TRPM6: variants seen among roughly 807,000 people sequenced by gnomAD.
The protein encoded by TRPM6 is channel kinase 2.
A neutral mutation model predicts 247.6 loss-of-function variants in TRPM6; 111 were observed. That is an observed-to-expected ratio of 0.45 (90% CI 0.38 to 0.52). The LOEUF is 0.52. TRPM6 is among the 20% of genes least tolerant of loss of function. The pLI is 0.00. For synonymous variants in TRPM6, 892 were observed against 853.8 expected (o/e 1.04, Z -0.78); for missense variants, 2,126 against 2,421.5 (o/e 0.88, Z 2.56).
intron 9 of TRPM6, among the ~76,000 whole-genome samples, chr9:74,818,395 C>T (rs1049040127): frequency 2.7e-5 from 4 of 149,096 alleles, no homozygotes; most frequent in African/African-American, 5.0e-5. Context: ...CTCTGCCTCC[C>T]GGGTTCAAGC....
chr9:74,785,672 A>G (rs543659072), intron 21 of TRPM6, among the ~76,000 whole-genome samples: 38 of 152,136 alleles, frequency 2.5e-4, no homozygotes, highest in South Asian at 1.0e-3. Flanking sequence ...ACAGGTGCCC[A>G]CCACCATGCC....
intron 1 of TRPM6, among the ~76,000 whole-genome samples, chr9:74,863,232 A>T (rs1305282372): frequency 6.6e-6 from 1 of 151,720 alleles, no homozygotes; most frequent in Admixed American, 6.6e-5. Context: ...TTTTTAGTAG[A>T]GATGGGGTTT....
chr9:74,847,824 A>G (rs887983664), intron 3 of TRPM6, among the ~76,000 whole-genome samples: 12 of 152,224 alleles, frequency 7.9e-5, no homozygotes, highest in Admixed American at 5.2e-4. Flanking sequence ...TGAAAAATAG[A>G]TAAATAATGA....
chr9:74,746,878 A>G (rs1457064864), intron 31 of TRPM6, among the ~76,000 whole-genome samples: 1 of 152,100 alleles, frequency 6.6e-6, no homozygotes, highest in Non-Finnish European at 1.5e-5. Context: ...CAAGGTTAAT[A>G]GCTAAGAGCA....
chr9:74,885,814 C>A (rs901807160), intron 1 of TRPM6, among the ~76,000 whole-genome samples: 1 of 152,122 alleles, frequency 6.6e-6, no homozygotes, highest in African/African-American at 2.4e-5. Context: ...TGGCTCAGGC[C>A]TGTAATCTTG....
At chr9:74,734,686 T>A (rs1218758988) in intron 36 of TRPM6, among the ~76,000 whole-genome samples, 1 of 152,206 alleles carries the variant, frequency 6.6e-6, no homozygotes. Context: ...TATCAAGAAC[T>A]TCTTGTGAAG....
chr9:74,789,960 C>CAAAAAAAAAAAA (rs71368680), intron 19 of TRPM6, among the ~76,000 whole-genome samples: 2 of 65,142 alleles, frequency 3.1e-5, no homozygotes, highest in African/African-American at 1.3e-4. Context: ...GACTCCATCT[C>CAAAAAAAAAAAA]AAAAAAAAAA....
intron 12 of TRPM6, 137 bp downstream of exon 12, chr9:74,812,162 C>T (rs1314539999): frequency 2.7e-6 from 3 of 1,119,516 alleles, no homozygotes; most frequent in Admixed American, 3.9e-5. Flanking sequence ...GGAACTAGAT[C>T]CAGCTTCAGA....
At chr9:74,885,528 A>G (rs998215005) in intron 1 of TRPM6, among the ~76,000 whole-genome samples, 1 of 152,244 alleles carries the variant, frequency 6.6e-6, no homozygotes, top group Non-Finnish European at 1.5e-5. Flanking sequence ...GAACAATGAG[A>G]ACGTAAAACT....
intron 25 of TRPM6, among the ~76,000 whole-genome samples, chr9:74,770,126 C>T (rs1272609573): frequency 6.6e-6 from 1 of 152,148 alleles, no homozygotes; most frequent in South Asian, 2.1e-4. Flanking sequence ...GGCACAGAAA[C>T]ACAGATTTAT....
At chr9:74,798,197 G>A (rs1283645450) in intron 17 of TRPM6, among the ~76,000 whole-genome samples, 1 of 151,686 alleles carries the variant, frequency 6.6e-6, no homozygotes, top group East Asian at 1.9e-4. Context: ...TGAAAAAGAA[G>A]ATTTAAATTG....
intron 28 of TRPM6, 84 bp downstream of exon 28, chr9:74,755,269 G>A (rs1013770004): frequency 2.8e-6 from 4 of 1,406,432 alleles, no homozygotes; most frequent in Non-Finnish European, 4.0e-6. Flanking sequence ...GAAAGAACAG[G>A]AGGAACCGCC....
In TRPM6 at chr9:74,842,206, G is replaced by A. The variant is rs570794624; in HGVS notation, c.290C>T (p.Thr97Met). The stretch of plus-strand genomic sequence containing the variant: ...GTGCTCTCCATCTTGGAAATTAATC[G>A]TGCCAAAAGTATCTGTTGGGCTTTT... ...TTKSPTDTFG[T>M]INFQDGEHTH... The change falls in exon 4 of 39, where the codon ACG becomes ATG. Residue 97 changes from threonine (T) to methionine (M), a missense_variant. Coordinates refer to ENST00000360774, the MANE Select transcript of TRPM6 (RefSeq NM_017662.5). 26 of 1,613,262 alleles carry A rather than the reference G, an allele frequency of 1.6e-5. No individual in the cohort carries two copies. The highest frequency in any genetic ancestry group is 3.3e-4 in the Middle Eastern group (2 of 6,056).
At chr9:74,778,480 C>A (rs1827303254) in intron 23 of TRPM6, among the ~76,000 whole-genome samples, 1 of 152,238 alleles carries the variant, frequency 6.6e-6, no homozygotes, top group Non-Finnish European at 1.5e-5. Flanking sequence ...CAGCTTTGTG[C>A]TGCCTCCATA....
At chr9:74,781,808 G>A (rs142692902) in intron 23 of TRPM6, among the ~76,000 whole-genome samples, 7 of 152,196 alleles carry the variant, frequency 4.6e-5, no homozygotes, top group Non-Finnish European at 1.0e-4. Flanking sequence ...TTGTTACATT[G>A]TACTTTCCCC....
intron 32 of TRPM6, among the ~76,000 whole-genome samples, chr9:74,743,131 G>A (rs1180040582): frequency 6.6e-6 from 1 of 152,164 alleles, no homozygotes; most frequent in Non-Finnish European, 1.5e-5. Context: ...GAGTCAATAT[G>A]AGTTACAGTA....
chr9:74,728,097 T>G (rs1825393823), intron 38 of TRPM6, 142 bp downstream of exon 38: 1 of 743,630 alleles, frequency 1.3e-6, no homozygotes. Flanking sequence ...ACTTGAAAAT[T>G]TTGCAGTCAG....
chr9:74,736,372 A>G (rs183883317), intron 36 of TRPM6, among the ~76,000 whole-genome samples: 28 of 152,330 alleles, frequency 1.8e-4, no homozygotes, highest in Admixed American at 1.8e-3. Context: ...GACAATGTGC[A>G]TTATCTCTCC....
chr9:74,754,231 A>G (rs1394367783), intron 28 of TRPM6, among the ~76,000 whole-genome samples: 1 of 152,296 alleles, frequency 6.6e-6, no homozygotes, highest in East Asian at 1.9e-4. Flanking sequence ...CTCTCACGCT[A>G]TATCTATAAA....
Sources: allele counts gnomAD v4.1 joint callset (sites outside exome capture counted in the v4.1 genomes callset), GRCh38; gene constraint gnomAD v4.1.1; transcripts MANE v1.5; gene names NCBI Gene and HGNC (gene_info 2026-07-23, HGNC 2026-07-21).